The following GRM7 variants were observed in gnomAD, a reference collection of about 807,000 sequenced individuals.
GRM7 encodes the protein metabotropic glutamate receptor 7.
A neutral mutation model predicts 84.5 loss-of-function variants in GRM7; 35 were observed. The observed-to-expected ratio is 0.41, with a 90% CI of 0.32 to 0.55. The LOEUF (loss-of-function observed/expected upper bound fraction) is 0.55. GRM7 is among the 20% of genes least tolerant of loss of function. The probability of loss-of-function intolerance (pLI) is 0.19; values close to 1 mark genes in which losing one functional copy is unlikely to be tolerated. For missense variants in GRM7, 1,003 were observed against 1,194.6 expected (o/e 0.84, Z 2.36); for synonymous variants, 487 against 455.1 (o/e 1.07, Z -0.89).
At chr3:7,580,583 T>C (rs3792460) in intron 8 of GRM7, among the ~76,000 whole-genome samples, 49,866 of 152,008 alleles carry the variant, frequency 0.33, 8,832 homozygotes, top group African/African-American at 0.46. Flanking sequence ...GTATTTTACC[T>C]AAATTGTGTA....
intron 1 of GRM7, among the ~76,000 whole-genome samples, chr3:7,103,445 A>T (rs1291029215): frequency 1.3e-5 from 2 of 151,784 alleles, no homozygotes; most frequent in African/African-American, 2.4e-5. Flanking sequence ...TGCTGGAATC[A>T]CTGGAGTTCC....
intron 4 of GRM7, among the ~76,000 whole-genome samples, chr3:7,328,555 C>T (rs1701072497): frequency 6.6e-6 from 1 of 152,146 alleles, no homozygotes; most frequent in Non-Finnish European, 1.5e-5. Flanking sequence ...GCCTGTGAGT[C>T]ACTAAGTCAA....
At chr3:6,978,325 T>G (rs1055268245) in intron 1 of GRM7, among the ~76,000 whole-genome samples, 6 of 151,916 alleles carry the variant, frequency 3.9e-5, no homozygotes, top group Non-Finnish European at 8.8e-5. Flanking sequence ...CTGGAGGGAG[T>G]GATGCCCCCA....
At chr3:7,208,568 G>A (rs867931370) in intron 2 of GRM7, among the ~76,000 whole-genome samples, 2 of 152,138 alleles carry the variant, frequency 1.3e-5, no homozygotes, top group Admixed American at 1.3e-4. Context: ...TGGAAGGGAG[G>A]TTTGCTCAGA....
At chr3:7,232,789 A>C (rs1697235338) in intron 2 of GRM7, among the ~76,000 whole-genome samples, 2 of 152,198 alleles carry the variant, frequency 1.3e-5, no homozygotes, top group African/African-American at 4.8e-5. Flanking sequence ...TAAGTAGCAG[A>C]GCTAAGATTC....
intron 2 of GRM7, among the ~76,000 whole-genome samples, chr3:7,222,503 A>G (rs562585882): frequency 6.6e-6 from 1 of 152,276 alleles, no homozygotes; most frequent in East Asian, 1.9e-4. Context: ...AACTGAAGTC[A>G]GCCAATGGCC....
intron 4 of GRM7, among the ~76,000 whole-genome samples, chr3:7,402,600 C>A (rs773752565): frequency 1.3e-5 from 2 of 152,026 alleles, no homozygotes; most frequent in East Asian, 1.9e-4. Context: ...TGTTTTAGAA[C>A]GTTGGACAGT....
intron 7 of GRM7, among the ~76,000 whole-genome samples, chr3:7,518,370 C>A (rs1165874822): frequency 6.6e-6 from 1 of 152,184 alleles, no homozygotes; most frequent in Non-Finnish European, 1.5e-5. Context: ...GAAAGCATCA[C>A]AGAATAAGCT....
intron 4 of GRM7, among the ~76,000 whole-genome samples, chr3:7,377,958 T>C (rs1283773509): frequency 6.6e-6 from 1 of 152,212 alleles, no homozygotes; most frequent in African/African-American, 2.4e-5. Flanking sequence ...CTCAGTCACA[T>C]GGAACTTCTG....
chr3:7,590,268 C>T (rs918857462), intron 8 of GRM7, among the ~76,000 whole-genome samples: 5 of 152,104 alleles, frequency 3.3e-5, no homozygotes, highest in South Asian at 4.1e-4. Context: ...ATTACAATTA[C>T]GACAGTATTC....
At chr3:7,171,945 G>A (rs1203303684) in intron 2 of GRM7, among the ~76,000 whole-genome samples, 1 of 152,210 alleles carries the variant, frequency 6.6e-6, no homozygotes, top group Non-Finnish European at 1.5e-5. Flanking sequence ...ACAGCATGCA[G>A]TTTCCCAGTG....
At chr3:6,974,824 G>A (rs1693926286) in intron 1 of GRM7, among the ~76,000 whole-genome samples, 1 of 152,142 alleles carries the variant, frequency 6.6e-6, no homozygotes, top group Non-Finnish European at 1.5e-5. Context: ...GGAAAAATTT[G>A]GGAGTTGTGT....
intron 2 of GRM7, among the ~76,000 whole-genome samples, chr3:7,232,250 T>TA (rs879482721): frequency 0.014 from 1,953 of 142,628 alleles, 24 homozygotes; most frequent in African/African-American, 0.039. Flanking sequence ...TCAGATCTTG[T>TA]AAAAAAAAAA....
intron 1 of GRM7, among the ~76,000 whole-genome samples, chr3:6,978,471 A>G (rs913916746): frequency 3.9e-5 from 6 of 152,152 alleles, no homozygotes; most frequent in African/African-American, 1.4e-4. Flanking sequence ...ACTGGAAATT[A>G]TTGTTTTAGT....
intron 1 of GRM7, among the ~76,000 whole-genome samples, chr3:7,126,214 A>G (rs1470675487): frequency 6.6e-6 from 1 of 152,172 alleles, no homozygotes; most frequent in Non-Finnish European, 1.5e-5. Flanking sequence ...GAATAATAAT[A>G]GGCCAGTGAT....
At chr3:7,252,671 C>CTTTTCTTTTCTTTTCTTTTCTTTTCTTT (rs150479691) in intron 2 of GRM7, among the ~76,000 whole-genome samples, 170 of 134,590 alleles carry the variant, frequency 1.3e-3, no homozygotes, top group African/African-American at 4.3e-3. Context: ...CTATTTTTTT[C>CTTTTCTTTTCTTTTCTTTTCTTTTCTTT]TTTTCTTTTC....
At chr3:6,967,911 G>T (rs924091609) in intron 1 of GRM7, among the ~76,000 whole-genome samples, 1 of 152,144 alleles carries the variant, frequency 6.6e-6, no homozygotes, top group Non-Finnish European at 1.5e-5. Context: ...AGGGCAAGGA[G>T]ATCTGGGCAT....
At chr3:7,572,616 G>C (rs929634281) in intron 7 of GRM7, among the ~76,000 whole-genome samples, 1 of 151,224 alleles carries the variant, frequency 6.6e-6, no homozygotes, top group African/African-American at 2.4e-5. Flanking sequence ...TCAGGAGATC[G>C]AGATTATCCT....
rs1700266557 is a variant in GRM7 at position 7,513,060 on chromosome 3, T to C, written c.1515+51338T>C. Among the ~76,000 whole-genome samples, 3 of 152,194 alleles carry C rather than the reference T, an allele frequency of 2.0e-5. No homozygotes were observed. The South Asian group carries it at 6.2e-4, about 32-fold the overall frequency. ...GGAGAAAATAAATGAGCCCAGGGAGTAGGGAATTGCTTTCAATTCTTAGGA... is the reference window on the plus strand; with the variant it reads ...GGAGAAAATAAATGAGCCCAGGGAGCAGGGAATTGCTTTCAATTCTTAGGA... On this transcript the variant is annotated intron_variant, in intron 7 of 9. Transcript: ENST00000357716.
Sources: gnomAD v4.1 joint callset for allele counts (sites outside exome capture counted in the v4.1 genomes callset) on GRCh38, gnomAD v4.1.1 for gene constraint, MANE v1.5 for transcripts, NCBI Gene and HGNC (gene_info 2026-07-23, HGNC 2026-07-21) for gene names.